The following CDKL1 variants were observed in gnomAD, a reference collection of about 807,000 sequenced individuals.
CDKL1 encodes cyclin-dependent kinase-like 1.
Under a neutral mutation model 42.0 loss-of-function variants are expected in CDKL1, and 41 were observed. The ratio of observed to expected loss-of-function variants is 0.98; its 90% CI spans 0.76 to 1.27. The LOEUF is 1.27. Among genes scored for constraint, CDKL1 ranks in the 50% most tolerant of loss-of-function variants. CDKL1 has a pLI of 0.00. For missense variants in CDKL1, 394 were observed against 428.4 expected, an observed-to-expected ratio of 0.92 and a Z score of 0.71; for synonymous variants, 153 against 158.6, an observed-to-expected ratio of 0.96 and a Z score of 0.26.
chr14:50,353,736 T>TA (rs1376417924), intron 3 of CDKL1, among the ~76,000 whole-genome samples: 7 of 150,622 alleles, frequency 4.6e-5, no homozygotes, highest in African/African-American at 7.3e-5. Flanking sequence ...AGAGTACATT[T>TA]AAAAAAAAAT....
chr14:50,326,435 A>C lies in CDKL1; in HGVS notation c.*3639T>G. The C allele has an allele frequency of 1.0e-6, 1 of 983,548 alleles. No homozygotes were observed. Among genetic ancestry groups the C allele is most frequent in the Non-Finnish European group, 1.2e-6 (1 of 828,264 alleles). 60.9% of individuals were successfully genotyped at this position (983,548 alleles called of 1,614,324 possible). A position where few individuals can be genotyped will look rare whatever the true frequency, so the allele number is the denominator to read the frequency against. ...TACCATAAATGCACAATTATGAAAA[A>C]TTAGAAGCTAAATTACAGATTCATT... On this transcript the variant is annotated 3_prime_UTR_variant, in exon 10 of 10. Transcript: ENST00000395834.
At chr14:50,382,357 G>T (rs2139520075) in intron 2 of CDKL1, among the ~76,000 whole-genome samples, 1 of 152,254 alleles carries the variant, frequency 6.6e-6, no homozygotes, top group South Asian at 2.1e-4. Context: ...GGAGGCTGAG[G>T]TAGGAATTGC....
intron 2 of CDKL1, among the ~76,000 whole-genome samples, chr14:50,374,605 T>A (rs996861402): frequency 2.2e-4 from 34 of 152,336 alleles, no homozygotes; most frequent in African/African-American, 7.7e-4. Flanking sequence ...TGTGAGCTAA[T>A]CCCATCTCAT....
rs764277812 is a variant in CDKL1 at position 50,326,704 on chromosome 14, C to G, written c.*3370G>C. 3 of 985,226 alleles carry G rather than the reference C, an allele frequency of 3.0e-6. No homozygotes were observed. Among genetic ancestry groups the G allele is most frequent in the Non-Finnish European group, 3.6e-6 (3 of 829,908 alleles). 61.0% of individuals were successfully genotyped at this position (985,226 alleles called of 1,614,324 possible). A position where few individuals can be genotyped will look rare whatever the true frequency, so the allele number is the denominator to read the frequency against. The stretch of plus-strand genomic sequence containing the variant: ...GCAGATTGCAATATAATAAAGGAAA[C>G]AGTAAAAACTAGTGGGCTATGCTTA... On this transcript the variant is annotated 3_prime_UTR_variant, in exon 10 of 10. Coordinates refer to ENST00000395834, the MANE Select transcript of CDKL1 (RefSeq NM_004196.7).
intron 3 of CDKL1, among the ~76,000 whole-genome samples, chr14:50,346,658 T>TG (rs1279357398): frequency 1.3e-4 from 12 of 90,318 alleles, no homozygotes; most frequent in African/African-American, 2.8e-4. Flanking sequence ...TTTGGTTTTT[T>TG]TTTTTTTTTT....
chr14:50,348,446 T>G (rs2033798109), intron 3 of CDKL1, among the ~76,000 whole-genome samples: 1 of 152,186 alleles, frequency 6.6e-6, no homozygotes, highest in African/African-American at 2.4e-5. Flanking sequence ...TCTGAAAATG[T>G]GGATACTGTT....
At chr14:50,396,444 C>A in intron 1 of CDKL1, 115 bp from the exon 2 acceptor site, 1 of 985,394 alleles carries the variant, frequency 1.0e-6, no homozygotes, top group Non-Finnish European at 1.2e-6. Context: ...ATTTTAATCG[C>A]CCGTTAAATA....
At chr14:50,377,700 T>G (rs765568725) in intron 2 of CDKL1, 6 of 1,310,074 alleles carry the variant, frequency 4.6e-6, no homozygotes, top group African/African-American at 3.1e-5. Context: ...TCAGGGCTGG[T>G]TTTGAATGGG....
intron 3 of CDKL1, among the ~76,000 whole-genome samples, chr14:50,347,614 C>T (rs572561201): frequency 6.6e-6 from 1 of 152,130 alleles, no homozygotes; most frequent in African/African-American, 2.4e-5. Flanking sequence ...CTCAGGAGAA[C>T]ACTGGAGGGG....
intron 2 of CDKL1, among the ~76,000 whole-genome samples, chr14:50,393,048 G>A (rs1401682078): frequency 2.0e-5 from 3 of 152,116 alleles, no homozygotes; most frequent in Non-Finnish European, 2.9e-5. Flanking sequence ...CTAAGACACT[G>A]GGTTATTACC....
intron 1 of CDKL1, 142 bp from the exon 2 acceptor site, chr14:50,396,471 G>T: frequency 1.0e-6 from 1 of 979,898 alleles, no homozygotes; most frequent in Non-Finnish European, 1.2e-6. Flanking sequence ...AAGTTAAAAT[G>T]TAACTTGCCA....
In CDKL1 at chr14:50,388,144, C is replaced by T. The variant is rs187297583; in HGVS notation, c.168+7557G>A. Among the ~76,000 whole-genome samples, 11 of 152,322 alleles carry T rather than the reference C, an allele frequency of 7.2e-5. No individual in the cohort carries two copies. In the East Asian group the frequency reaches 2.1e-3, roughly 29 times the overall value. ...GACCTCGTGATCCACCTGCCTCAGC[C>T]TTCCAAAGTGCTGGGATCACAGGCA... On this transcript the variant is annotated intron_variant, in intron 2 of 9. Coordinates refer to ENST00000395834, the MANE Select transcript of CDKL1 (RefSeq NM_004196.7).
intron 3 of CDKL1, among the ~76,000 whole-genome samples, chr14:50,346,030 T>C (rs540664405): frequency 1.3e-5 from 2 of 152,178 alleles, no homozygotes; most frequent in South Asian, 4.2e-4. Context: ...GACTTACTGT[T>C]TTGATAAACA....
intron 2 of CDKL1, among the ~76,000 whole-genome samples, chr14:50,372,895 A>AC (rs1395316818): frequency 8.0e-5 from 10 of 125,336 alleles, no homozygotes; most frequent in Admixed American, 3.9e-4. Flanking sequence ...CAATGTGTCT[A>AC]ATTTTTTTTT....
At chr14:50,348,417 G>A (rs1037359681) in intron 3 of CDKL1, among the ~76,000 whole-genome samples, 35 of 152,226 alleles carry the variant, frequency 2.3e-4, no homozygotes, top group African/African-American at 8.0e-4. Context: ...TTTGGCATAC[G>A]TGAGATTGTG....
In CDKL1 at chr14:50,343,198, G is replaced by A. The variant is rs61981896; in HGVS notation, c.364-976C>T. ...TTGAGTTGGGTCAAAATACTGCTCAGGGTCCCTAATAATCTTCCTCTTTCC... is the reference window on the plus strand; with the variant it reads ...TTGAGTTGGGTCAAAATACTGCTCAAGGTCCCTAATAATCTTCCTCTTTCC... On this transcript the variant is annotated intron_variant, in intron 4 of 9. Coordinates refer to ENST00000395834, the MANE Select transcript of CDKL1 (RefSeq NM_004196.7). 2.2e-3 allele frequency: 884 copies of A among 404,474 alleles called. 13 individuals are homozygous for A. Among genetic ancestry groups the A allele is most frequent in the South Asian group, 0.013 (602 of 46,204 alleles). 25.1% of individuals were successfully genotyped at this position (404,474 alleles called of 1,614,324 possible). A position where few individuals can be genotyped will look rare whatever the true frequency, so the allele number is the denominator to read the frequency against.
chr14:50,330,122 C>G lies in CDKL1; in HGVS notation c.1026G>C (p.Lys342Asn), dbSNP rs770928060. ...TAAGTTTCTTGGTATCACAGTAGTA[C>G]TTCTTATTATCCAAAGCTGGAAGGA... ...SSILPALDNK[K>N]YYCDTKKLNY... The change falls in exon 10 of 10, where the codon AAG (lysine) becomes AAC (asparagine). Residue 342 changes from lysine (K) to asparagine (N), a missense_variant. Physicochemically the swap from Lys to Asn is moderately conservative, Grantham distance 94. Coordinates refer to ENST00000395834, the MANE Select transcript of CDKL1 (RefSeq NM_004196.7). 22 of 1,609,896 alleles carry G rather than the reference C, an allele frequency of 1.4e-5. 1 individual carries two copies. The South Asian group carries it at 2.3e-4, about 17-fold the overall frequency.
intron 2 of CDKL1, among the ~76,000 whole-genome samples, chr14:50,386,114 A>AAG (rs1010462780): frequency 4.6e-5 from 7 of 151,082 alleles, no homozygotes; most frequent in South Asian, 2.1e-4. Context: ...GGGGGAAAGA[A>AAG]AGAGAGAGAG....
chr14:50,390,331 T>C (rs1253419856), intron 2 of CDKL1: 1 of 1,366,528 alleles, frequency 7.3e-7, no homozygotes, highest in Admixed American at 1.9e-5. Context: ...GTCCTGTCCT[T>C]GACCTCCAAC....
Sources: allele counts gnomAD v4.1 joint callset (sites outside exome capture counted in the v4.1 genomes callset), GRCh38; gene constraint gnomAD v4.1.1; transcripts MANE v1.5; gene names NCBI Gene and HGNC (gene_info 2026-07-23, HGNC 2026-07-21).